The following SEMA3D variants were observed in gnomAD, a reference collection of about 807,000 sequenced individuals.
The protein encoded by SEMA3D is semaphorin-3D.
In SEMA3D, 84 loss-of-function variants were observed where a neutral mutation model predicts 100.1. The observed-to-expected ratio is 0.84, with a 90% CI of 0.70 to 1.01. The LOEUF (loss-of-function observed/expected upper bound fraction) is 1.01, where lower values mean the gene tolerates loss of function less well. Ranked by LOEUF, SEMA3D falls within the 50% of genes least tolerant of loss-of-function variation. The pLI, the probability that SEMA3D is intolerant of heterozygous loss-of-function variation, is 0.00. For synonymous variants in SEMA3D, 312 were observed against 320.7 expected, an observed-to-expected ratio of 0.97 and a Z score of 0.29; for missense variants, 875 against 934.1, an observed-to-expected ratio of 0.94 and a Z score of 0.82.
intron 10 of SEMA3D, 41 bp downstream of exon 10, chr7:85,042,130 C>T (rs368188946): frequency 7.7e-7 from 1 of 1,304,446 alleles, no homozygotes; most frequent in African/African-American, 1.5e-5. Flanking sequence ...CTTAATTAGG[C>T]AGTAAGGCCT....
At chr7:85,210,691 AGAAATG>A in the SEMA3D span, among the ~76,000 whole-genome samples, 4 of 152,096 alleles carry the variant, frequency 2.6e-5, no homozygotes, top group African/African-American at 7.2e-5. Flanking sequence ...TACCATATTC[AGAAATG>A]GAAACTGGTT....
chr7:85,063,789 C>T (rs762188912), intron 8 of SEMA3D, among the ~76,000 whole-genome samples: 1 of 152,090 alleles, frequency 6.6e-6, no homozygotes, highest in Non-Finnish European at 1.5e-5. Flanking sequence ...AAAAAGTAAG[C>T]CATCATGGTT....
chr7:85,237,575 G>A, the SEMA3D span, among the ~76,000 whole-genome samples: 1 of 152,104 alleles, frequency 6.6e-6, no homozygotes, highest in Admixed American at 6.6e-5. Flanking sequence ...TTAGTAAAAG[G>A]CATTTAAATT....
chr7:85,228,349 C>T, the SEMA3D span, among the ~76,000 whole-genome samples: 3 of 152,026 alleles, frequency 2.0e-5, no homozygotes, highest in Non-Finnish European at 2.9e-5. Flanking sequence ...GCCAATTTTC[C>T]GAATGGTAAT....
intron 16 of SEMA3D, 64 bp from the exon 17 acceptor site, chr7:85,012,910 C>T (rs1489383591): frequency 3.2e-6 from 4 of 1,245,090 alleles, no homozygotes; most frequent in African/African-American, 1.5e-5. Flanking sequence ...AGAAAGGCTA[C>T]ATCTAATACT....
chr7:85,009,283 G>A (rs1398635937), intron 17 of SEMA3D, among the ~76,000 whole-genome samples: 1 of 151,494 alleles, frequency 6.6e-6, no homozygotes, highest in Non-Finnish European at 1.5e-5. Flanking sequence ...TCTGTTTAAT[G>A]TTGTTGAACT....
intron 4 of SEMA3D, among the ~76,000 whole-genome samples, chr7:85,084,247 G>C (rs747606402): frequency 6.6e-6 from 1 of 151,884 alleles, no homozygotes; most frequent in Non-Finnish European, 1.5e-5. Context: ...CCCCTCCACT[G>C]GTCCAATTTT....
chr7:85,077,101 G>A lies in SEMA3D; in HGVS notation c.376-4020C>T, dbSNP rs1466912608. 2.7e-3 allele frequency among the ~76,000 whole-genome samples: 242 copies of A among 88,308 alleles called. 2 individuals carry two copies. The highest frequency in any genetic ancestry group is 0.014 in the African/African-American group (219 of 15,120). The allele number at this position is 88,308 out of a possible 152,430, so 57.9% of individuals were successfully genotyped here. On this transcript the variant is annotated intron_variant, in intron 5 of 18. Transcript: ENST00000284136. ...AGCCTGGGCAACAGAGTGAGACTCC[G>A]TCTAAAAAAAAAAAAAAAAAACTTT...
chr7:85,235,514 AG>A, the SEMA3D span, among the ~76,000 whole-genome samples: 10 of 152,184 alleles, frequency 6.6e-5, no homozygotes, highest in Admixed American at 3.9e-4. Context: ...GGGAAAAGGA[AG>A]GTAATGTTTA....
chr7:85,248,345 A>T, the SEMA3D span, among the ~76,000 whole-genome samples: 1 of 152,168 alleles, frequency 6.6e-6, no homozygotes, highest in African/African-American at 2.4e-5. Context: ...GAGAATGTGG[A>T]GTAACTGTCA....
the SEMA3D span, among the ~76,000 whole-genome samples, chr7:85,227,684 T>G: frequency 2.6e-5 from 4 of 152,178 alleles, no homozygotes; most frequent in African/African-American, 9.7e-5. Flanking sequence ...TGTATGAATA[T>G]ATTTAATATC....
chr7:85,034,264 G>T (rs1037642826), intron 12 of SEMA3D, among the ~76,000 whole-genome samples: 3 of 152,020 alleles, frequency 2.0e-5, no homozygotes, highest in Non-Finnish European at 4.4e-5. Flanking sequence ...AATGAAATGA[G>T]TAAGTACAGC....
intron 5 of SEMA3D, among the ~76,000 whole-genome samples, chr7:85,075,438 A>AT (rs397975036): frequency 2.0e-5 from 3 of 150,882 alleles, no homozygotes; most frequent in Admixed American, 1.3e-4. Context: ...AAAAAAAAAA[A>AT]CCTCTGAATC....
At chr7:85,073,593 A>C (rs1461514618) in intron 5 of SEMA3D, among the ~76,000 whole-genome samples, 4 of 152,148 alleles carry the variant, frequency 2.6e-5, no homozygotes, top group African/African-American at 9.7e-5. Context: ...CACAGAATTT[A>C]TCATGATCTG....
chr7:85,018,208 C>T, intron 15 of SEMA3D, 44 bp downstream of exon 15: 3 of 1,152,462 alleles, frequency 2.6e-6, no homozygotes, highest in Non-Finnish European at 3.9e-6. Context: ...TTCAAGCAGC[C>T]CATTGCTTTT....
At chr7:85,151,683 T>C in intron 2 of SEMA3D, 1 of 983,090 alleles carries the variant, frequency 1.0e-6, no homozygotes, top group Non-Finnish European at 1.2e-6. Context: ...ACTATTTCTT[T>C]CATATTCTCA....
chr7:85,010,396 A>T (rs1416999179), intron 17 of SEMA3D, among the ~76,000 whole-genome samples: 2 of 150,732 alleles, frequency 1.3e-5, no homozygotes, highest in Non-Finnish European at 3.0e-5. Flanking sequence ...TCTGGCTAGT[A>T]AGTGGGGTAT....
At chr7:85,058,789 T>C (rs563172661) in intron 8 of SEMA3D, among the ~76,000 whole-genome samples, 1 of 149,354 alleles carries the variant, frequency 6.7e-6, no homozygotes, top group African/African-American at 2.5e-5. Flanking sequence ...TGGGATCAAA[T>C]TGTTCTATAA....
intron 12 of SEMA3D, chr7:85,027,985 A>T (rs370695707): frequency 1.3e-4 from 77 of 571,512 alleles, no homozygotes; most frequent in African/African-American, 1.3e-3. Flanking sequence ...TTGATTAGTG[A>T]TACTCCAAAT....
Sources: gnomAD v4.1 joint callset for allele counts (sites outside exome capture counted in the v4.1 genomes callset) on GRCh38, gnomAD v4.1.1 for gene constraint, MANE v1.5 for transcripts, NCBI Gene and HGNC (gene_info 2026-07-23, HGNC 2026-07-21) for gene names.